ZFPM2: variants seen among roughly 807,000 people sequenced by gnomAD.
ZFPM2 encodes the protein zinc finger protein, FOG family member 2, also known as zinc finger protein ZFPM2.
Under a neutral mutation model 98.6 loss-of-function variants are expected in ZFPM2, and 20 were observed. The ratio of observed to expected loss-of-function variants is 0.20; its 90% confidence interval spans 0.14 to 0.29. The LOEUF is 0.29. Among genes scored for constraint, ZFPM2 ranks in the 10% least tolerant of loss-of-function variants. ZFPM2 has a pLI of 1.00. For missense variants in ZFPM2, 1,310 were observed against 1,388.6 expected, an observed-to-expected ratio of 0.94 and a Z score of 0.90; for synonymous variants, 518 against 502.7, an observed-to-expected ratio of 1.03 and a Z score of -0.41.
chr8:105,460,749 T>G (rs1812688811), intron 3 of ZFPM2, among the ~76,000 whole-genome samples: 1 of 151,798 alleles, frequency 6.6e-6, no homozygotes, highest in Admixed American at 6.6e-5. Flanking sequence ...AGAGTTTTCT[T>G]ATGGTTATAC....
intron 2 of ZFPM2, among the ~76,000 whole-genome samples, chr8:105,430,869 G>T (rs1812005229): frequency 6.6e-6 from 1 of 151,440 alleles, no homozygotes; most frequent in Non-Finnish European, 1.5e-5. Context: ...AGTGGCCACA[G>T]GACTCTTTGG....
chr8:105,488,475 G>A (rs1334243855), intron 3 of ZFPM2, among the ~76,000 whole-genome samples: 1 of 152,102 alleles, frequency 6.6e-6, no homozygotes, highest in East Asian at 1.9e-4. Flanking sequence ...GAAAGGTTAA[G>A]TAACAGCCGG....
intron 1 of ZFPM2, among the ~76,000 whole-genome samples, chr8:105,386,962 A>C (rs895877409): frequency 2.0e-5 from 3 of 152,254 alleles, no homozygotes; most frequent in Middle Eastern, 3.4e-3. Context: ...TGCATTCACA[A>C]ACTCTGAGCT....
chr8:105,351,486 A>G (rs995058206), intron 1 of ZFPM2, among the ~76,000 whole-genome samples: 1 of 152,208 alleles, frequency 6.6e-6, no homozygotes, highest in African/African-American at 2.4e-5. Context: ...AAATTTAACT[A>G]GAATTTTTAG....
At chr8:105,794,895 A>G (rs1380417165) in intron 6 of ZFPM2, among the ~76,000 whole-genome samples, 3 of 152,190 alleles carry the variant, frequency 2.0e-5, no homozygotes, top group South Asian at 4.1e-4. Flanking sequence ...CCGGTGCAGG[A>G]TATAATCTCC....
intron 1 of ZFPM2, among the ~76,000 whole-genome samples, chr8:105,380,888 TA>T (rs1406526226): frequency 6.7e-3 from 550 of 81,812 alleles, no homozygotes; most frequent in Non-Finnish European, 8.9e-3. Flanking sequence ...ATATATATTA[TA>T]ATATATATAA....
At chr8:105,651,246 C>T (rs769815409) in intron 5 of ZFPM2, among the ~76,000 whole-genome samples, 8 of 152,102 alleles carry the variant, frequency 5.3e-5, no homozygotes, top group Non-Finnish European at 1.0e-4. Context: ...CTGAGAGCCT[C>T]ATCTGTTACT....
rs1344020568 is a variant in ZFPM2, at chr8:105,801,763, G to T, written c.1681G>T (p.Asp561Tyr). 1.9e-6 allele frequency: 3 copies of T among 1,613,886 alleles called. No homozygotes were observed. The highest frequency in any genetic ancestry group is 2.5e-6 in the Non-Finnish European group (3 of 1,179,860). ...FECNITFNNL[D>Y]NYLVHKKHYC... is the part of the protein sequence containing the mutation. Reference sequence around the variant, plus strand: ...GTGTAACATAACATTCAATAATTTGGATAATTATCTAGTGCACAAAAAGCA... The same window carrying T: ...GTGTAACATAACATTCAATAATTTGTATAATTATCTAGTGCACAAAAAGCA... Residue 561 changes from aspartate to tyrosine, a missense_variant, in exon 8 of 8, where the codon GAT becomes TAT. Asp to Tyr is a radical substitution (Grantham distance 160, BLOSUM62 -3). Coordinates refer to ENST00000407775, the MANE Select transcript of ZFPM2 (RefSeq NM_012082.4).
chr8:105,639,662 G>A (rs1330558115), intron 5 of ZFPM2, among the ~76,000 whole-genome samples: 1 of 152,054 alleles, frequency 6.6e-6, no homozygotes, highest in African/African-American at 2.4e-5. Flanking sequence ...TGATTGCAGA[G>A]GTTATGATCA....
At chr8:105,442,029 A>T (rs1270701732) in intron 2 of ZFPM2, among the ~76,000 whole-genome samples, 1 of 152,080 alleles carries the variant, frequency 6.6e-6, no homozygotes, top group East Asian at 1.9e-4. Flanking sequence ...AAAATGTTTT[A>T]AAAATTTGTT....
chr8:105,569,056 G>A (rs6993696), intron 4 of ZFPM2, among the ~76,000 whole-genome samples: 68,143 of 151,340 alleles, frequency 0.45, 15,364 homozygotes, highest in African/African-American at 0.51. Flanking sequence ...TCACTTCCAA[G>A]GTAGACCTTC....
At chr8:105,632,925 C>T (rs1010017978) in intron 4 of ZFPM2, among the ~76,000 whole-genome samples, 46 of 151,942 alleles carry the variant, frequency 3.0e-4, no homozygotes, top group Non-Finnish European at 5.0e-4. Context: ...CTTTTTAAAT[C>T]CATCATGGTT....
intron 3 of ZFPM2, among the ~76,000 whole-genome samples, chr8:105,524,195 A>C (rs2130558951): frequency 6.6e-6 from 1 of 152,306 alleles, no homozygotes; most frequent in Non-Finnish European, 1.5e-5. Context: ...CTACTAAAGT[A>C]GATTAAATGC....
chr8:105,482,898 C>T (rs1813149280), intron 3 of ZFPM2, among the ~76,000 whole-genome samples: 1 of 92,404 alleles, frequency 1.1e-5, no homozygotes, highest in South Asian at 3.4e-4. Flanking sequence ...TCCTTCCTTC[C>T]TTCTTTCCTT....
intron 3 of ZFPM2, among the ~76,000 whole-genome samples, chr8:105,453,269 T>A (rs1243776871): frequency 6.6e-6 from 1 of 152,188 alleles, no homozygotes; most frequent in Non-Finnish European, 1.5e-5. Flanking sequence ...AGAGTGTATG[T>A]TCTACCAGAA....
At chr8:105,322,268 T>G (rs1332010418) in intron 1 of ZFPM2, among the ~76,000 whole-genome samples, 2 of 152,074 alleles carry the variant, frequency 1.3e-5, no homozygotes, top group Non-Finnish European at 2.9e-5. Context: ...ATGACAGAAA[T>G]GATGATTTTT....
intron 4 of ZFPM2, among the ~76,000 whole-genome samples, chr8:105,609,665 T>C (rs1460663747): frequency 1.3e-5 from 2 of 152,156 alleles, no homozygotes; most frequent in Non-Finnish European, 2.9e-5. Flanking sequence ...CAGTGCCTGA[T>C]GGATATTTGT....
At chr8:105,561,615 A>G (rs1815139281) in intron 4 of ZFPM2, 134 bp downstream of exon 4, 2 of 714,806 alleles carry the variant, frequency 2.8e-6, no homozygotes, top group Non-Finnish European at 2.3e-6. Context: ...TTTCGTGGAC[A>G]GCAAAACTTG....
At chr8:105,392,610 A>G (rs1381281496) in intron 1 of ZFPM2, among the ~76,000 whole-genome samples, 2 of 152,220 alleles carry the variant, frequency 1.3e-5, no homozygotes, top group African/African-American at 2.4e-5. Flanking sequence ...CAACTAACAT[A>G]TAATCTGATG....
Sources: allele counts gnomAD v4.1 joint callset (sites outside exome capture counted in the v4.1 genomes callset), GRCh38; gene constraint gnomAD v4.1.1; transcripts MANE v1.5; gene names NCBI Gene and HGNC (gene_info 2026-07-23, HGNC 2026-07-21).